Variants in DGKB observed in about 807,000 individuals in gnomAD.
DGKB encodes 90 kDa diacylglycerol kinase.
A neutral mutation model predicts 114.3 loss-of-function variants in DGKB; 67 were observed. The observed-to-expected ratio is 0.59, with a 90% CI of 0.48 to 0.72. DGKB has a LOEUF of 0.72. DGKB is among the 30% of genes least tolerant of loss of function. The probability of loss-of-function intolerance (pLI) is 0.00; values close to 1 mark genes in which losing one functional copy is unlikely to be tolerated. For missense variants in DGKB, 907 were observed against 975.2 expected (o/e 0.93, Z 0.93); for synonymous variants, 398 against 323.1 (o/e 1.23, Z -2.49).
At chr7:14,279,288 G>T (rs7802627) in intron 23 of DGKB, among the ~76,000 whole-genome samples, 38 of 152,186 alleles carry the variant, frequency 2.5e-4, no homozygotes, top group Non-Finnish European at 4.4e-4. Context: ...ACTGCAAGGC[G>T]GCAGCCAGGC....
At chr7:14,711,369 C>T (rs969540514) in intron 6 of DGKB, among the ~76,000 whole-genome samples, 4 of 151,900 alleles carry the variant, frequency 2.6e-5, no homozygotes, top group Non-Finnish European at 4.4e-5. Flanking sequence ...TTCTTTCATC[C>T]AGAAGAAGAA....
chr7:14,536,452 C>A (rs1792513660), intron 20 of DGKB, among the ~76,000 whole-genome samples: 1 of 152,064 alleles, frequency 6.6e-6, no homozygotes, highest in Admixed American at 6.6e-5. Flanking sequence ...CATATTAAAA[C>A]AATTTTGTAC....
chr7:14,931,024 T>C (rs1308938962), intron 1 of DGKB, among the ~76,000 whole-genome samples: 2 of 152,214 alleles, frequency 1.3e-5, no homozygotes, highest in African/African-American at 2.4e-5. Context: ...TTTGTATATA[T>C]GTTAAACCAT....
chr7:14,547,676 CT>C (rs1354601409), intron 20 of DGKB, among the ~76,000 whole-genome samples: 2 of 151,680 alleles, frequency 1.3e-5, no homozygotes, highest in South Asian at 2.1e-4. Context: ...GAGTGTAGAA[CT>C]TTTTTTTAAT....
rs139660544 is a variant in DGKB at position 14,827,660 on chromosome 7, G to A, written c.70+13534C>T. 1.3e-3 allele frequency among the ~76,000 whole-genome samples: 191 copies of A among 152,150 alleles called. 1 individual carries two copies. Among genetic ancestry groups the A allele is most frequent in the African/African-American group, 4.1e-3 (170 of 41,512 alleles). ...CAGAATAACTTATCCCTTATTTATT[G>A]TGCATTGTTTATTTTTGAAATGTGG... On this transcript the variant is annotated intron_variant, in intron 2 of 25. Coordinates refer to ENST00000402815, the MANE Select transcript of DGKB (RefSeq NM_001350709.2).
At position 14,681,368 on chromosome 7, in the gene DGKB, T is replaced by C. The variant is rs1203331236; in HGVS notation, c.1035+1185A>G. 3.9e-5 allele frequency among the ~76,000 whole-genome samples: 6 copies of C among 152,034 alleles called. No individual in the cohort carries two copies. The East Asian group carries it at 7.7e-4, about 20-fold the overall frequency. ...TATTCATTTAAAGGAAAGTACTTAA[T>C]TGTATTTTTGAAAAGTAAGTCAGTT... is the stretch of plus-strand genomic sequence containing the variant. On this transcript the variant is annotated intron_variant, in intron 12 of 25. Transcript: ENST00000402815.
intron 2 of DGKB, among the ~76,000 whole-genome samples, chr7:14,779,654 T>G (rs1339900660): frequency 6.6e-6 from 1 of 152,228 alleles, no homozygotes; most frequent in African/African-American, 2.4e-5. Context: ...GAATATTTTA[T>G]CCACTTCTGT....
chr7:14,790,160 A>T (rs1007937623), intron 2 of DGKB, among the ~76,000 whole-genome samples: 2 of 151,980 alleles, frequency 1.3e-5, no homozygotes, highest in African/African-American at 4.8e-5. Context: ...TTTACTTCGA[A>T]TTTTGCGAGT....
At chr7:14,397,957 C>T (rs1386625754) in intron 21 of DGKB, among the ~76,000 whole-genome samples, 1 of 152,008 alleles carries the variant, frequency 6.6e-6, no homozygotes, top group Non-Finnish European at 1.5e-5. Flanking sequence ...TGGTACAAAA[C>T]AGTGGTGCAA....
intron 20 of DGKB, among the ~76,000 whole-genome samples, chr7:14,553,364 C>G (rs1795387049): frequency 6.6e-6 from 1 of 152,170 alleles, no homozygotes; most frequent in Non-Finnish European, 1.5e-5. Context: ...TTCTCCAATA[C>G]TAATTCCGTT....
chr7:14,827,501 C>T (rs1380047826), intron 2 of DGKB, among the ~76,000 whole-genome samples: 3 of 151,970 alleles, frequency 2.0e-5, no homozygotes, highest in Non-Finnish European at 2.9e-5. Flanking sequence ...TAGCAGTGGA[C>T]TTGATGGAAG....
At chr7:14,731,768 G>C (rs149786968) in intron 5 of DGKB, among the ~76,000 whole-genome samples, 2 of 152,084 alleles carry the variant, frequency 1.3e-5, no homozygotes, top group Non-Finnish European at 2.9e-5. Flanking sequence ...CAAATGGTGG[G>C]CCCCAAGGAT....
intron 21 of DGKB, among the ~76,000 whole-genome samples, chr7:14,460,585 G>A (rs1832940239): frequency 6.6e-6 from 1 of 151,498 alleles, no homozygotes; most frequent in African/African-American, 2.4e-5. Flanking sequence ...TCCAATACAG[G>A]GGGACGCAGA....
At position 14,929,584 on chromosome 7, in the gene DGKB, TGTTGA is replaced by T. The variant is rs556840655; in HGVS notation, c.-188+45107_-188+45111del. 4.7e-3 allele frequency among the ~76,000 whole-genome samples: 714 copies of T among 152,258 alleles called. 3 individuals carry two copies. The highest frequency in any genetic ancestry group is 0.015 in the African/African-American group (617 of 41,570). The stretch of plus-strand genomic sequence containing the variant: ...TTAATAAGATTATTTGTTTCGTTGT[TGTTGA>T]GTTATTTGAGTTCTTTGTATATTCT... On this transcript the variant is annotated intron_variant, in intron 1 of 4. Transcript: ENST00000437998.
chr7:14,940,820 T>C lies in DGKB; in HGVS notation c.-188+33876A>G, dbSNP rs144157011. ...TTGTGTTATTATTCTATAAAAACTA[T>C]TAACATTGACAAACTTTATTTCAGT... On this transcript the variant is annotated intron_variant, in intron 1 of 4. Coordinates refer to the DGKB transcript ENST00000437998. Among the ~76,000 whole-genome samples, 636 of 152,196 alleles carry C rather than the reference T, an allele frequency of 4.2e-3. 6 individuals carry two copies. Among genetic ancestry groups the C allele is most frequent in the African/African-American group, 0.014 (588 of 41,552 alleles).
intron 1 of DGKB, among the ~76,000 whole-genome samples, chr7:14,943,473 C>G (rs566038878): frequency 6.6e-6 from 1 of 152,004 alleles, no homozygotes; most frequent in South Asian, 2.1e-4. Flanking sequence ...TAAGCTTAAA[C>G]AGACAATTCT....
chr7:14,769,646 A>T (rs1483690820), intron 2 of DGKB, among the ~76,000 whole-genome samples: 1 of 152,128 alleles, frequency 6.6e-6, no homozygotes, highest in African/African-American at 2.4e-5. Flanking sequence ...TTAAAACTGC[A>T]GAAATTTACT....
intron 17 of DGKB, among the ~76,000 whole-genome samples, chr7:14,607,157 C>CGTGTGTGTGTGT (rs71004316): frequency 4.0e-5 from 6 of 148,230 alleles, no homozygotes; most frequent in African/African-American, 7.4e-5. Flanking sequence ...GCTAGTTTGT[C>CGTGTGTGTGTGT]GTGTGTGTGT....
At chr7:14,750,158 T>C (rs187037833) in intron 4 of DGKB, 4 of 518,410 alleles carry the variant, frequency 7.7e-6, no homozygotes, top group South Asian at 1.4e-5. Flanking sequence ...AAGCTTCTAA[T>C]TGACACTGAA....
Sources: allele counts gnomAD v4.1 joint callset (sites outside exome capture counted in the v4.1 genomes callset), GRCh38; gene constraint gnomAD v4.1.1; transcripts MANE v1.5; gene names NCBI Gene and HGNC (gene_info 2026-07-23, HGNC 2026-07-21).